The following DLG1 variants were observed in gnomAD, a reference collection of about 807,000 sequenced individuals.
The protein encoded by DLG1 is disks large homolog 1.
A neutral mutation model predicts 123.4 loss-of-function variants in DLG1; 42 were observed. The observed-to-expected ratio is 0.34, with a 90% CI of 0.27 to 0.44. The LOEUF (loss-of-function observed/expected upper bound fraction) is 0.44, where lower values mean the gene tolerates loss of function less well. DLG1 is among the 20% of genes least tolerant of loss of function. DLG1 has a pLI of 1.00. For missense variants in DLG1, 942 were observed against 1,082.6 expected, an observed-to-expected ratio of 0.87 and a Z score of 1.82; for synonymous variants, 317 against 356.2, an observed-to-expected ratio of 0.89 and a Z score of 1.24.
chr3:197,298,165 C>T, intron 1 of DLG1: 1 of 222,100 alleles, frequency 4.5e-6, no homozygotes, highest in Middle Eastern at 1.3e-3. Context: ...TGACCGCTTT[C>T]CCGGCGCTCT....
rs377246815 is a variant in DLG1 at position 197,224,314 on chromosome 3, A to T, written c.319-29725T>A. Among the ~76,000 whole-genome samples the T allele has an allele frequency of 9.9e-5, 15 of 152,188 alleles. No homozygotes were observed. In the South Asian group the frequency reaches 3.1e-3, roughly 32 times the overall value. On this transcript the variant is annotated intron_variant, in intron 4 of 24. Coordinates refer to ENST00000667157, the MANE Select transcript of DLG1 (RefSeq NM_001366207.1). ...GAGCAATGCCATGTTACTTCTTAAA[A>T]CCTTTTATAATAATAGTATTTTGAA...
chr3:197,221,371 T>C (rs963433948), intron 4 of DLG1, among the ~76,000 whole-genome samples: 5 of 151,634 alleles, frequency 3.3e-5, no homozygotes, highest in Admixed American at 6.6e-5. Context: ...ATACAAAAAA[T>C]GAGCCGAGTG....
intron 3 of DLG1, among the ~76,000 whole-genome samples, chr3:197,286,545 A>G (rs1450799230): frequency 6.6e-6 from 1 of 152,196 alleles, no homozygotes; most frequent in Non-Finnish European, 1.5e-5. Context: ...CCGCTCAGGT[A>G]CAGGTCTGTG....
At chr3:197,244,895 G>A (rs992096377) in intron 4 of DLG1, among the ~76,000 whole-genome samples, 1 of 152,154 alleles carries the variant, frequency 6.6e-6, no homozygotes, top group Non-Finnish European at 1.5e-5. Context: ...GAAAGTGGAA[G>A]AGAGACCAAG....
At chr3:197,078,813 G>T (rs182909722) in intron 17 of DLG1, among the ~76,000 whole-genome samples, 5,600 of 148,216 alleles carry the variant, frequency 0.038, 163 homozygotes, top group South Asian at 0.053. Flanking sequence ...CAACTGATGT[G>T]TTTTTTATAA....
At chr3:197,110,521 T>C (rs1041811741) in intron 13 of DLG1, among the ~76,000 whole-genome samples, 2 of 152,214 alleles carry the variant, frequency 1.3e-5, no homozygotes, top group African/African-American at 2.4e-5. Flanking sequence ...ACGATATCCA[T>C]TGATTGCGTT....
At chr3:197,173,644 C>G (rs1402893793) in intron 5 of DLG1, among the ~76,000 whole-genome samples, 1 of 152,176 alleles carries the variant, frequency 6.6e-6, no homozygotes, top group Non-Finnish European at 1.5e-5. Context: ...GAAATACATA[C>G]TGCATCAATC....
intron 11 of DLG1, among the ~76,000 whole-genome samples, chr3:197,126,436 C>T (rs570891941): frequency 1.1e-4 from 16 of 151,744 alleles, no homozygotes; most frequent in Non-Finnish European, 1.8e-4. Flanking sequence ...CACTGCACTC[C>T]AGCCTGGGCA....
In DLG1 at chr3:197,131,584, CTTTTTTTTTTT is replaced by C. The variant is rs773487577; in HGVS notation, c.1021-924_1021-914del. Among the ~76,000 whole-genome samples, 123 of 65,776 alleles carry C rather than the reference CTTTTTTTTTTT, an allele frequency of 1.9e-3. 1 individual carries two copies. The highest frequency in any genetic ancestry group is 5.8e-3 in the African/African-American group (112 of 19,170). 43.2% of individuals were successfully genotyped at this position (65,776 alleles called of 152,430 possible). ...CAAATATAGTTTTATTTCTTCCTTT[CTTTTTTTTTTT>C]TTTTTTTTTTTTTTTTGAGACGGAG... On this transcript the variant is annotated intron_variant, in intron 10 of 24. Transcript: ENST00000667157.
chr3:197,063,533 T>C (rs1283581153), intron 22 of DLG1, among the ~76,000 whole-genome samples: 4 of 152,230 alleles, frequency 2.6e-5, no homozygotes, highest in Non-Finnish European at 5.9e-5. Flanking sequence ...AGATATTCTT[T>C]TGCATGTTGT....
chr3:197,225,731 C>T (rs531588911), intron 4 of DLG1: 1 of 152,752 alleles, frequency 6.5e-6, no homozygotes, highest in East Asian at 1.9e-4. Context: ...GTCAGACACA[C>T]AAAGGACAGG....
At chr3:197,084,119 T>C (rs1167017496) in intron 16 of DLG1, among the ~76,000 whole-genome samples, 1 of 152,134 alleles carries the variant, frequency 6.6e-6, no homozygotes, top group Non-Finnish European at 1.5e-5. Flanking sequence ...TCCAAACATT[T>C]TGGCATGAAG....
intron 17 of DLG1, 106 bp from the exon 18 acceptor site, chr3:197,076,791 C>A: frequency 1.6e-6 from 1 of 610,310 alleles, no homozygotes. Context: ...CCACAGTGTG[C>A]AGTTTGTATA....
At chr3:197,216,822 T>C (rs888454961) in intron 4 of DLG1, among the ~76,000 whole-genome samples, 3 of 152,230 alleles carry the variant, frequency 2.0e-5, no homozygotes, top group African/African-American at 4.8e-5. Context: ...GTTTAGGTTA[T>C]GTTAACTTTT....
intron 4 of DLG1, among the ~76,000 whole-genome samples, chr3:197,279,433 G>A (rs924290174): frequency 1.3e-5 from 2 of 152,118 alleles, no homozygotes; most frequent in African/African-American, 4.8e-5. Context: ...TCTAGGCCTT[G>A]ATGGACATAT....
intron 2 of DLG1, chr3:197,296,951 G>GTT (rs1196412754): frequency 1.4e-5 from 7 of 502,812 alleles, no homozygotes; most frequent in Non-Finnish European, 2.4e-5. Flanking sequence ...AAGGACATCT[G>GTT]TTGGGGGGGG....
chr3:197,230,077 C>T (rs568715008), intron 4 of DLG1, among the ~76,000 whole-genome samples: 1 of 152,246 alleles, frequency 6.6e-6, no homozygotes, highest in South Asian at 2.1e-4. Flanking sequence ...ATTCTTTCTA[C>T]CTGCTAGAAT....
chr3:197,203,814 C>T (rs570035514), intron 4 of DLG1, among the ~76,000 whole-genome samples: 5 of 152,242 alleles, frequency 3.3e-5, no homozygotes, highest in Admixed American at 6.5e-5. Context: ...TTGTATTGCT[C>T]GGGCAGGCAA....
At chr3:197,178,536 G>T (rs1227724596) in intron 5 of DLG1, among the ~76,000 whole-genome samples, 1 of 152,084 alleles carries the variant, frequency 6.6e-6, no homozygotes, top group African/African-American at 2.4e-5. Context: ...ATTAACTCTG[G>T]AATAAAGAGA....
Sources: gnomAD v4.1 joint callset for allele counts (sites outside exome capture counted in the v4.1 genomes callset) on GRCh38, gnomAD v4.1.1 for gene constraint, MANE v1.5 for transcripts, NCBI Gene and HGNC (gene_info 2026-07-23, HGNC 2026-07-21) for gene names.